The following ACOXL variants were observed in gnomAD, a reference collection of about 807,000 sequenced individuals.
ACOXL encodes the protein acyl-coenzyme A oxidase-like protein.
ACOXL carries 70 observed loss-of-function variants against 71.9 expected under a neutral mutation model. That is an observed-to-expected ratio of 0.97 (90% CI 0.80 to 1.19). The LOEUF (loss-of-function observed/expected upper bound fraction) is 1.19. Among genes scored for constraint, ACOXL ranks in the 50% most tolerant of loss-of-function variants. The pLI is 0.00. For missense variants in ACOXL, 703 were observed against 736.3 expected (o/e 0.95, Z 0.52); for synonymous variants, 253 against 281.6 (o/e 0.90, Z 1.02).
chr2:110,889,096 T>A (rs909395935), intron 10 of ACOXL, among the ~76,000 whole-genome samples: 1 of 152,250 alleles, frequency 6.6e-6, no homozygotes, highest in Non-Finnish European at 1.5e-5. Flanking sequence ...AGAAGTCTTC[T>A]ACTTTATCAT....
At chr2:110,817,477 G>T (rs1688051704) in intron 9 of ACOXL, among the ~76,000 whole-genome samples, 1 of 152,258 alleles carries the variant, frequency 6.6e-6, no homozygotes, top group Admixed American at 6.5e-5. Flanking sequence ...GAGAAGGGAT[G>T]CTGGACATGT....
In ACOXL at chr2:110,933,513, G is replaced by A. The variant is rs1404327836; in HGVS notation, c.930G>A (p.Glu310=). The change falls in exon 12 of 18, where the codon GAG becomes GAA. Residue 310 remains glutamate, a synonymous_variant. Transcript: ENST00000439055. ...VSRYAGALLD[E]DVFQGKELVN... Reference sequence around the variant, plus strand: ...GGTATGCTGGGGCCCTCCTGGATGAGGATGTCTTCCAGGGAAAGGAGCTGG... The same window carrying A: ...GGTATGCTGGGGCCCTCCTGGATGAAGATGTCTTCCAGGGAAAGGAGCTGG... 1.2e-6 allele frequency: 2 copies of A among 1,614,034 alleles called. No homozygotes were observed. The highest frequency in any genetic ancestry group is 2.7e-5 in the African/African-American group (2 of 74,938).
At chr2:110,763,797 A>C (rs1354342323) in intron 1 of ACOXL, among the ~76,000 whole-genome samples, 1 of 152,230 alleles carries the variant, frequency 6.6e-6, no homozygotes, top group East Asian at 1.9e-4. Flanking sequence ...AGACACGTCT[A>C]ATATAAGACT....
At chr2:110,766,078 G>A (rs1363884788) in intron 1 of ACOXL, among the ~76,000 whole-genome samples, 1 of 152,092 alleles carries the variant, frequency 6.6e-6, no homozygotes, top group Non-Finnish European at 1.5e-5. Context: ...ACTTATTGAA[G>A]CATGGTTATG....
intron 10 of ACOXL, among the ~76,000 whole-genome samples, chr2:110,895,032 G>A (rs1373620890): frequency 2.2e-4 from 34 of 152,068 alleles, no homozygotes. Flanking sequence ...CAAGAATCAG[G>A]TATATCTCAA....
At chr2:111,056,588 A>C (rs924372115) in intron 16 of ACOXL, among the ~76,000 whole-genome samples, 10 of 152,084 alleles carry the variant, frequency 6.6e-5, no homozygotes, top group African/African-American at 1.9e-4. Context: ...GGAGATAGAG[A>C]CCATCCTGGC....
At chr2:110,801,541 C>A (rs1685996656) in intron 7 of ACOXL, 111 bp from the exon 8 acceptor site, 1 of 938,960 alleles carries the variant, frequency 1.1e-6, no homozygotes, top group South Asian at 1.6e-5. Context: ...AAAGCACCAA[C>A]AATTCTGGAA....
chr2:111,052,792 A>G (rs2066356809), intron 16 of ACOXL, among the ~76,000 whole-genome samples: 1 of 152,122 alleles, frequency 6.6e-6, no homozygotes, highest in Middle Eastern at 3.4e-3. Context: ...TCCAGGTGTC[A>G]CCTGAGCTCA....
intron 12 of ACOXL, among the ~76,000 whole-genome samples, chr2:110,945,642 C>T (rs115743808): frequency 0.012 from 1,818 of 152,196 alleles, 44 homozygotes; most frequent in African/African-American, 0.042. Context: ...TGTCGAAGAT[C>T]AGGTGATCAG....
Position 110,739,530 on chromosome 2 carries a change from C to T in ACOXL, c.-23+6756C>T, listed in dbSNP as rs546621838. On this transcript the variant is annotated intron_variant, in intron 1 of 17. Transcript: ENST00000439055. ...AGGGTGTCCACAGCATGGAGGCCAC[C>T]CCACATGATTGGCTGCACCCTGTGC... 1.1e-4 allele frequency among the ~76,000 whole-genome samples: 16 copies of T among 152,322 alleles called. No homozygotes were observed. The East Asian group carries it at 2.7e-3, about 26-fold the overall frequency.
At chr2:110,831,083 G>C (rs184026873) in intron 9 of ACOXL, among the ~76,000 whole-genome samples, 2 of 152,138 alleles carry the variant, frequency 1.3e-5, no homozygotes, top group Non-Finnish European at 2.9e-5. Context: ...AACAAGGCAA[G>C]GATGTCTGCT....
At chr2:110,961,630 C>A (rs962348870) in intron 12 of ACOXL, among the ~76,000 whole-genome samples, 1 of 152,134 alleles carries the variant, frequency 6.6e-6, no homozygotes, top group African/African-American at 2.4e-5. Flanking sequence ...TTAGGTATAA[C>A]CACTGCTTCT....
intron 10 of ACOXL, among the ~76,000 whole-genome samples, chr2:110,883,107 G>GTTTTTTTT (rs34915436): frequency 2.2e-4 from 24 of 109,262 alleles, no homozygotes; most frequent in South Asian, 3.2e-4. Flanking sequence ...TTTGTCACTG[G>GTTTTTTTT]TTTTTTTTTT....
chr2:110,841,336 T>C (rs367957631), intron 9 of ACOXL, 35 bp from the exon 10 acceptor site: 119 of 1,538,646 alleles, frequency 7.7e-5, no homozygotes, highest in Non-Finnish European at 6.8e-5. Flanking sequence ...ACTCTTGATA[T>C]TACTTAATTT....
In ACOXL at chr2:110,805,396, G is replaced by T. The variant is rs779843583; in HGVS notation, c.753+1G>T. ...TTTCCAAGCTATGGGTGCCATGAAG[G>T]TAATTGACTCTGATTTTAACTTAAT... On this transcript the variant is annotated splice_donor_variant, in intron 9 of 17. Coordinates refer to ENST00000439055, the MANE Select transcript of ACOXL (RefSeq NM_001142807.4). LOFTEE classifies it high-confidence loss of function. 9.3e-6 allele frequency: 15 copies of T among 1,614,144 alleles called. No individual in the cohort carries two copies. Among genetic ancestry groups the T allele is most frequent in the Middle Eastern group, 1.6e-4 (1 of 6,062 alleles).
chr2:111,026,928 C>T (rs2065041182), intron 14 of ACOXL, among the ~76,000 whole-genome samples: 1 of 152,084 alleles, frequency 6.6e-6, no homozygotes, highest in Admixed American at 6.5e-5. Context: ...ATAAGGTCTC[C>T]CTCTGTTGCC....
chr2:110,919,518 G>T (rs1310267834), intron 11 of ACOXL, among the ~76,000 whole-genome samples: 1 of 151,878 alleles, frequency 6.6e-6, no homozygotes, highest in Non-Finnish European at 1.5e-5. Context: ...TAACAAACCT[G>T]CATATTCTGC....
Position 111,118,116 on chromosome 2 carries a change from T to C in ACOXL, c.*300T>C. ...GATCCCCTAGACAATCAGGGTGGGC[T>C]CCCCGCTGCGAGCGCGCCCCACAGC... On this transcript the variant is annotated 3_prime_UTR_variant, in exon 18 of 18. Transcript: ENST00000439055. 2.0e-6 allele frequency: 1 copy of C among 492,072 alleles called. No homozygotes were observed. Among genetic ancestry groups the C allele is most frequent in the Non-Finnish European group, 3.6e-6 (1 of 276,532 alleles). The allele number at this position is 492,072 out of a possible 1,614,324, so 30.5% of individuals were successfully genotyped here.
At chr2:111,035,650 G>A (rs888038109) in intron 15 of ACOXL, among the ~76,000 whole-genome samples, 1 of 152,196 alleles carries the variant, frequency 6.6e-6, no homozygotes, top group East Asian at 1.9e-4. Flanking sequence ...ATTAAGAGCA[G>A]GTTGTAATTA....
Sources: gnomAD v4.1 joint callset for allele counts (sites outside exome capture counted in the v4.1 genomes callset) on GRCh38, gnomAD v4.1.1 for gene constraint, MANE v1.5 for transcripts, NCBI Gene and HGNC (gene_info 2026-07-23, HGNC 2026-07-21) for gene names.